Variants in SLC4A4 observed in about 807,000 individuals in gnomAD.
The protein encoded by SLC4A4 is electrogenic sodium bicarbonate cotransporter 1.
Under a neutral mutation model 111.5 loss-of-function variants are expected in SLC4A4, and 27 were observed. The ratio of observed to expected loss-of-function variants is 0.24; its 90% CI spans 0.18 to 0.33. The LOEUF (loss-of-function observed/expected upper bound fraction) is 0.33, where lower values mean the gene tolerates loss of function less well. Ranked by LOEUF, SLC4A4 falls within the 10% of genes least tolerant of loss-of-function variation. The pLI is 1.00. For synonymous variants in SLC4A4, 443 were observed against 463.4 expected (o/e 0.96, Z 0.57); for missense variants, 909 against 1,315.5 (o/e 0.69, Z 4.78).
intron 16 of SLC4A4, among the ~76,000 whole-genome samples, chr4:71,515,337 T>C (rs1732286974): frequency 6.6e-6 from 1 of 152,168 alleles, no homozygotes; most frequent in African/African-American, 2.4e-5. Context: ...TCTGAGAATA[T>C]AGTTGATATG....
intron 3 of SLC4A4, among the ~76,000 whole-genome samples, chr4:71,335,641 C>A (rs1020576718): frequency 6.6e-6 from 1 of 152,056 alleles, no homozygotes; most frequent in Non-Finnish European, 1.5e-5. Flanking sequence ...CTGACTAACA[C>A]GGTGAAACCC....
At chr4:71,524,950 C>T (rs1409432110) in intron 16 of SLC4A4, among the ~76,000 whole-genome samples, 1 of 152,032 alleles carries the variant, frequency 6.6e-6, no homozygotes, top group Non-Finnish European at 1.5e-5. Flanking sequence ...ACTCATGGCC[C>T]TTTCCCTCCA....
At chr4:71,560,483 T>C (rs958945874) in intron 23 of SLC4A4, among the ~76,000 whole-genome samples, 1 of 151,780 alleles carries the variant, frequency 6.6e-6, no homozygotes, top group Non-Finnish European at 1.5e-5. Flanking sequence ...TAATGACTAA[T>C]AATGACTTCT....
intron 7 of SLC4A4, among the ~76,000 whole-genome samples, chr4:71,419,397 T>C (rs998041283): frequency 6.6e-6 from 1 of 152,216 alleles, no homozygotes; most frequent in Non-Finnish European, 1.5e-5. Context: ...GCCTGGACAA[T>C]GGCAGGCGCC....
intron 2 of SLC4A4, among the ~76,000 whole-genome samples, chr4:71,133,722 T>C (rs190601851): frequency 3.3e-5 from 5 of 152,346 alleles, no homozygotes; most frequent in East Asian, 1.9e-4. Context: ...GTGTGACTCA[T>C]TGGGGGCTAT....
At chr4:71,120,322 C>G (rs1743379127) in intron 2 of SLC4A4, among the ~76,000 whole-genome samples, 1 of 152,172 alleles carries the variant, frequency 6.6e-6, no homozygotes, top group South Asian at 2.1e-4. Flanking sequence ...TTTCTTGTTC[C>G]ACCAGGGTGA....
At chr4:71,413,868 C>G (rs1199535348) in intron 7 of SLC4A4, among the ~76,000 whole-genome samples, 1 of 152,082 alleles carries the variant, frequency 6.6e-6, no homozygotes, top group Non-Finnish European at 1.5e-5. Context: ...TGTTCCTTTT[C>G]CCACTGTGGT....
intron 3 of SLC4A4, among the ~76,000 whole-genome samples, chr4:71,321,154 C>T (rs1727089193): frequency 6.6e-6 from 1 of 152,028 alleles, no homozygotes; most frequent in Non-Finnish European, 1.5e-5. Flanking sequence ...CACATACCCA[C>T]TCTAATCTAG....
At chr4:71,411,342 A>G (rs1186900982) in intron 7 of SLC4A4, among the ~76,000 whole-genome samples, 1 of 151,998 alleles carries the variant, frequency 6.6e-6, no homozygotes, top group African/African-American at 2.4e-5. Context: ...TCACCTTTTC[A>G]GGGAAGTTTT....
intron 18 of SLC4A4, among the ~76,000 whole-genome samples, chr4:71,537,466 G>A (rs1474496009): frequency 6.6e-6 from 1 of 151,648 alleles, no homozygotes; most frequent in Non-Finnish European, 1.5e-5. Context: ...GAGAGAGAAA[G>A]AGAGAGAGAA....
At chr4:71,529,180 C>T (rs1397972757) in intron 16 of SLC4A4, among the ~76,000 whole-genome samples, 1 of 151,902 alleles carries the variant, frequency 6.6e-6, no homozygotes, top group Non-Finnish European at 1.5e-5. Context: ...TGAAAAACAG[C>T]CCTGATTTGG....
intron 1 of SLC4A4, among the ~76,000 whole-genome samples, chr4:71,187,625 G>T (rs1252908279): frequency 6.6e-6 from 1 of 152,182 alleles, no homozygotes; most frequent in African/African-American, 2.4e-5. Context: ...TTCCTTCTTA[G>T]GGTTTAGAGG....
chr4:71,112,393 T>A (rs1195579657), intron 2 of SLC4A4, among the ~76,000 whole-genome samples: 1 of 152,240 alleles, frequency 6.6e-6, no homozygotes, highest in Non-Finnish European at 1.5e-5. Context: ...ATAGTCGGGT[T>A]AATTAGCATC....
chr4:71,551,333 G>A (rs1735976250), intron 20 of SLC4A4, among the ~76,000 whole-genome samples: 1 of 151,850 alleles, frequency 6.6e-6, no homozygotes, highest in South Asian at 2.1e-4. Flanking sequence ...GAAAATATTT[G>A]TTGAGCTTCT....
At chr4:71,488,888 ATGTGTGTGTGTGTGTGTGTG>A (rs66801188) in intron 15 of SLC4A4, among the ~76,000 whole-genome samples, 82 of 140,670 alleles carry the variant, frequency 5.8e-4, no homozygotes, top group Non-Finnish European at 9.9e-4. Flanking sequence ...AGAAGAAAAA[ATGTGTGTGTGTGTGTGTGTG>A]TGTGTGTGTG....
At chr4:71,272,503 G>A (rs757077009) in intron 3 of SLC4A4, among the ~76,000 whole-genome samples, 26 of 152,080 alleles carry the variant, frequency 1.7e-4, no homozygotes, top group Non-Finnish European at 2.6e-4. Context: ...ACTAGAGGGC[G>A]TCATGTTAAG....
chr4:71,567,712 T>C (rs1023405936), intron 25 of SLC4A4, 76 bp from the exon 26 acceptor site: 1 of 674,804 alleles, frequency 1.5e-6, no homozygotes, highest in Non-Finnish European at 2.6e-6. Context: ...TTGACTTCTA[T>C]ACAATGCATA....
At chr4:71,336,179 G>C (rs1218797205) in intron 3 of SLC4A4, among the ~76,000 whole-genome samples, 1 of 152,076 alleles carries the variant, frequency 6.6e-6, no homozygotes, top group Non-Finnish European at 1.5e-5. Context: ...GTGAACATAA[G>C]AAAACAGAAG....
intron 3 of SLC4A4, among the ~76,000 whole-genome samples, chr4:71,330,713 C>A (rs976160100): frequency 2.0e-5 from 3 of 152,060 alleles, no homozygotes; most frequent in African/African-American, 7.2e-5. Flanking sequence ...GCAATGGCAA[C>A]AAAAGCCAAA....
Sources: gnomAD v4.1 joint callset for allele counts (sites outside exome capture counted in the v4.1 genomes callset) on GRCh38, gnomAD v4.1.1 for gene constraint, MANE v1.5 for transcripts, NCBI Gene and HGNC (gene_info 2026-07-23, HGNC 2026-07-21) for gene names.